SUSD2: variants seen among roughly 807,000 people sequenced by gnomAD.
SUSD2 encodes sushi domain-containing protein 2.
A neutral mutation model predicts 93.8 loss-of-function variants in SUSD2; 86 were observed. The observed-to-expected ratio is 0.92, with a 90% confidence interval of 0.77 to 1.10. SUSD2 has a LOEUF of 1.10. SUSD2 is among the 50% of genes least tolerant of loss of function. The pLI is 0.00. For synonymous variants in SUSD2, 483 were observed against 485.0 expected (o/e 1.00, Z 0.05); for missense variants, 1,060 against 1,137.0 (o/e 0.93, Z 0.97).
At position 24,181,505 on chromosome 22, in the gene SUSD2, G is replaced by A. The variant is rs2047325500; in HGVS notation, c.-15G>A. ...CGGAGCCACTGCACTGCTGGCTGCA[G>A]ACACAGGCTGCACCATGAAGCCAGC... On this transcript the variant is annotated 5_prime_UTR_variant, in exon 1 of 15. Transcript: ENST00000358321. 2.6e-6 allele frequency: 4 copies of A among 1,558,696 alleles called. No individual in the cohort carries two copies. Among genetic ancestry groups the A allele is most frequent in the Non-Finnish European group, 3.5e-6 (4 of 1,155,910 alleles).
rs769639683 is a variant in SUSD2, at chr22:24,187,322, T to G, written c.1763T>G (p.Phe588Cys). ...GTGTCCGTCCTGCTGCCTGAGAAGT[T>G]CCTCACCCACACCCACGGCCTCCTC... ...LSVSVLLPEKFLTHTHGLLGT... is the reference protein window; with the variant it reads ...LSVSVLLPEKCLTHTHGLLGT... The change falls in exon 11 of 15, where the codon TTC becomes TGC. Residue 588 changes from phenylalanine to cysteine, a missense_variant. By Grantham distance (205) the Phe-to-Cys change is radical. Around this residue, in one of 2 missense-constraint regions of SUSD2, gnomAD observed 973 missense variants for 1,005.3 expected, o/e 0.97. Transcript: ENST00000358321. The G allele has an allele frequency of 1.2e-6, 2 of 1,613,670 alleles. No individual in the cohort carries two copies. The highest frequency in any genetic ancestry group is 2.7e-5 in the African/African-American group (2 of 74,782).
chr22:24,186,370 C>T lies in SUSD2; in HGVS notation c.1597C>T (p.Gln533Ter). ...CGGAGGTCTGGAGGTGCTGCTGAAC[C>T]AGGAGGTGCTGAGCTTCACCGAGCA... ...RTGGLEVLLN[Q>*]EVLSFTEQSW... The change falls in exon 10 of 15, where the codon CAG becomes TAG. Residue 533 changes from glutamine to a stop codon, truncating the protein, a stop_gained. Transcript: ENST00000358321. LOFTEE classifies it high-confidence loss of function. 6.2e-7 allele frequency: 1 copy of T among 1,613,796 alleles called. No individual in the cohort carries two copies. The highest frequency in any genetic ancestry group is 1.7e-5 in the Admixed American group (1 of 60,032).
Position 24,188,309 on chromosome 22 carries a change from G to C in SUSD2, c.2426G>C (p.Arg809Pro). ...AAVALVYVLL[R>P]RRKGNTHVWG... Reference sequence around the variant, plus strand: ...GTTGCGCTCGTCTATGTGCTGCTGCGCCGCAGGAAGGGCAACACGTGAGAC... The same window carrying C: ...GTTGCGCTCGTCTATGTGCTGCTGCCCCGCAGGAAGGGCAACACGTGAGAC... Residue 809 changes from arginine to proline, a missense_variant, in exon 14 of 15, where the codon CGC becomes CCC. Transcript: ENST00000358321. The surrounding 1 kb of genome is among the most constrained non-coding windows in gnomAD (Gnocchi z 4.7). 1 of 1,605,810 alleles carries C rather than the reference G, an allele frequency of 6.2e-7. No individual in the cohort carries two copies. The highest frequency in any genetic ancestry group is 8.5e-7 in the Non-Finnish European group (1 of 1,176,696).
intron 10 of SUSD2, 189 bp from the exon 11 acceptor site, chr22:24,187,013 A>T: frequency 1.5e-6 from 1 of 676,936 alleles, no homozygotes; most frequent in Non-Finnish European, 2.5e-6. Context: ...TGCCGCTGGG[A>T]GTTCCACCGC....
Position 24,188,741 on chromosome 22 carries a change from C to T in SUSD2, c.*305C>T. 5.7e-6 allele frequency: 2 copies of T among 348,384 alleles called. No homozygotes were observed. The highest frequency in any genetic ancestry group is 5.2e-5 in the East Asian group (1 of 19,168). 21.6% of individuals were successfully genotyped at this position (348,384 alleles called of 1,614,324 possible). Reference sequence around the variant, plus strand: ...GAGCCCTGACACTCCCACACCTGAGCCTCAGATTCCAATAGCTCACTCCCT... The same window carrying T: ...GAGCCCTGACACTCCCACACCTGAGTCTCAGATTCCAATAGCTCACTCCCT... On this transcript the variant is annotated 3_prime_UTR_variant, in exon 15 of 15. Transcript: ENST00000358321. This position sits in a 1 kb window ranked among gnomAD's most constrained non-coding sequence, Gnocchi z 4.7.
Position 24,187,635 on chromosome 22 carries a change from G to A in SUSD2, c.1956G>A (p.Leu652=), listed in dbSNP as rs780995541. Residue 652 remains leucine (L), a synonymous_variant, in exon 12 of 15, where the codon CTG becomes CTA. Coordinates refer to ENST00000358321, the MANE Select transcript of SUSD2 (RefSeq NM_019601.4). ...YDSWFLVHNF[L]YQPKHDPTFE... ...CCTGGTTCCTGGTCCACAACTTCCT[G>A]TACCAACCCAAGCACGACCCCACCT... is the stretch of plus-strand genomic sequence containing the variant. 2 of 1,613,848 alleles carry A rather than the reference G, an allele frequency of 1.2e-6. No individual in the cohort carries two copies. The highest frequency in any genetic ancestry group is 4.5e-5 in the East Asian group (2 of 44,854).
chr22:24,186,552 T>C, intron 10 of SUSD2, 137 bp downstream of exon 10: 1 of 1,069,880 alleles, frequency 9.3e-7, no homozygotes, highest in African/African-American at 1.6e-5. Context: ...ACCTCAGGCC[T>C]TCACACCCAC....
In SUSD2 at chr22:24,185,179, C is replaced by T. The variant is rs766869617; in HGVS notation, c.868C>T (p.Arg290Ter). Residue 290 changes from arginine to a stop codon, truncating the protein, a stop_gained, in exon 6 of 15, where the codon CGA becomes TGA. Coordinates refer to ENST00000358321, the MANE Select transcript of SUSD2 (RefSeq NM_019601.4). LOFTEE classifies it high-confidence loss of function. ...DFREDPVAWARTQCQAWEELE... is the reference protein window; with the variant it reads ...DFREDPVAWA Reference sequence around the variant, plus strand: ...CCGAGAGGACCCTGTGGCCTGGGCACGAACTCAGTGCCAGGCCTGGGAGGA... The same window carrying T: ...CCGAGAGGACCCTGTGGCCTGGGCATGAACTCAGTGCCAGGCCTGGGAGGA... The T allele has an allele frequency of 1.1e-5, 18 of 1,612,266 alleles. No individual in the cohort carries two copies. In the East Asian group the frequency reaches 2.5e-4, roughly 22 times the overall value.
rs374345132 is a variant in SUSD2 at position 24,183,078 on chromosome 22, T to C, written c.98T>C (p.Met33Thr). The change falls in exon 2 of 15, where the codon ATG becomes ACG. Residue 33 changes from methionine (M) to threonine (T), a missense_variant. Physicochemically the swap from Met to Thr is moderately conservative, Grantham distance 81 (BLOSUM62 -1). This residue lies in a region of SUSD2 where 87 missense variants were observed against 131.6 expected (regional missense o/e 0.66). Transcript: ENST00000358321. ...PTADAQESCS[M>T]RCGALDGPCS... ...CCAGATGCCCAAGAGAGCTGCTCCA[T>C]GCGCTGTGGCGCCCTGGACGGGCCA... The C allele has an allele frequency of 3.2e-5, 51 of 1,613,746 alleles. No individual in the cohort carries two copies. Among genetic ancestry groups the C allele is most frequent in the Non-Finnish European group, 4.2e-5 (49 of 1,179,870 alleles).
Position 24,184,780 on chromosome 22 carries a change from C to G in SUSD2, c.622C>G (p.Gln208Glu). 1 of 1,601,164 alleles carries G rather than the reference C, an allele frequency of 6.2e-7. No homozygotes were observed. The highest frequency in any genetic ancestry group is 1.1e-5 in the South Asian group (1 of 89,442). ...CTCTCCCTCAGGAATGCCCTACTCA[C>G]AGGAGTGGACTGCAAAGTGGTCGTA... ...GYEETGMPYS[Q>E]EWTAKWSYLY... The change falls in exon 5 of 15, where the codon CAG (glutamine) becomes GAG (glutamate). Residue 208 changes from glutamine to glutamate, a missense_variant. Around this residue, in one of 2 missense-constraint regions of SUSD2, gnomAD observed 973 missense variants for 1,005.3 expected, o/e 0.97. Transcript: ENST00000358321.
At position 24,187,334 on chromosome 22, in the gene SUSD2, C is replaced by T. The variant is rs554892840; in HGVS notation, c.1775C>T (p.Thr592Ile). The T allele has an allele frequency of 5.6e-6, 9 of 1,614,128 alleles. No individual in the cohort carries two copies. The South Asian group carries it at 7.7e-5, about 14-fold the overall frequency. The change falls in exon 11 of 15, where the codon ACC becomes ATC. Residue 592 changes from threonine (T) to isoleucine (I), a missense_variant. Around this residue, in one of 2 missense-constraint regions of SUSD2, gnomAD observed 973 missense variants for 1,005.3 expected, o/e 0.97. Coordinates refer to ENST00000358321, the MANE Select transcript of SUSD2 (RefSeq NM_019601.4). ...CTGCCTGAGAAGTTCCTCACCCACA[C>T]CCACGGCCTCCTCGGGACACTCAAC... ...VLLPEKFLTH[T>I]HGLLGTLNND...
rs763071579 is a variant in SUSD2 at position 24,185,094 on chromosome 22, G to A, written c.783G>A (p.Lys261=). The change falls in exon 6 of 15, where the codon AAG becomes AAA. Residue 261 remains lysine, a splice_region_variant and synonymous_variant. Transcript: ENST00000358321. ...AGCTCCAGCATCATCACCTCCACAG[G>A]GACGTGCAGGCGCTCTGGACCAACG... is the stretch of plus-strand genomic sequence containing the variant. ...IIDSKNYAGQ[K]DVQALWTNDH... is the part of the protein sequence containing the mutation. 6.2e-7 allele frequency: 1 copy of A among 1,612,940 alleles called. No homozygotes were observed. Among genetic ancestry groups the A allele is most frequent in the Non-Finnish European group, 8.5e-7 (1 of 1,179,790 alleles).
In SUSD2 at chr22:24,184,304, G is replaced by A; in HGVS notation, c.607+1G>A. The A allele has an allele frequency of 6.2e-7, 1 of 1,612,928 alleles. No individual in the cohort carries two copies. The highest frequency in any genetic ancestry group is 8.5e-7 in the Non-Finnish European group (1 of 1,179,802). The stretch of plus-strand genomic sequence containing the variant: ...GAACTGTGGGGCTACGAGGAGACAG[G>A]TGAGGCCAGCTGAGGGCTGGGGTGG... On this transcript the variant is annotated splice_donor_variant, in intron 4 of 14. Transcript: ENST00000358321. LOFTEE classifies it high-confidence loss of function.
In SUSD2 at chr22:24,183,527, T is replaced by G. The variant is rs756543253; in HGVS notation, c.320T>G (p.Val107Gly). ...GACAGCATCCAGACCCTCGGCCATG[T>G]GGACTCCTCCGGGCAAGTGCACTGT... is the stretch of plus-strand genomic sequence containing the variant. ...FKDSIQTLGH[V>G]DSSGQVHCVS... Residue 107 changes from valine to glycine, a missense_variant, in exon 3 of 15, where the codon GTG (valine) becomes GGG (glycine). Around this residue, in one of 2 missense-constraint regions of SUSD2, gnomAD observed 973 missense variants for 1,005.3 expected, o/e 0.97. Coordinates refer to ENST00000358321, the MANE Select transcript of SUSD2 (RefSeq NM_019601.4). 34 of 1,613,082 alleles carry G rather than the reference T, an allele frequency of 2.1e-5. No homozygotes were observed. Among genetic ancestry groups the G allele is most frequent in the Non-Finnish European group, 2.8e-5 (33 of 1,179,984 alleles).
chr22:24,182,259 C>T (rs2047329977), intron 1 of SUSD2, among the ~76,000 whole-genome samples: 1 of 152,228 alleles, frequency 6.6e-6, no homozygotes, highest in African/African-American at 2.4e-5. Flanking sequence ...TGCCCCAGTC[C>T]CTCCCTGCAA....
At position 24,185,547 on chromosome 22, in the gene SUSD2, A is replaced by G; in HGVS notation, c.1046A>G (p.His349Arg). ...TGCACCTACCACCCCGGGGCCGTGC[A>G]CTGTGTGCGTTCTGTGCAGGCCAGG... is the stretch of plus-strand genomic sequence containing the variant. ...SVCTYHPGAV[H>R]CVRSVQASLR... The change falls in exon 7 of 15, where the codon CAC becomes CGC. Residue 349 changes from histidine (H) to arginine (R), a missense_variant. His to Arg is a conservative substitution (Grantham distance 29). Coordinates refer to ENST00000358321, the MANE Select transcript of SUSD2 (RefSeq NM_019601.4). 1.3e-6 allele frequency: 2 copies of G among 1,588,502 alleles called. No individual in the cohort carries two copies. Among genetic ancestry groups the G allele is most frequent in the Non-Finnish European group, 1.7e-6 (2 of 1,167,610 alleles).
In SUSD2 at chr22:24,186,302, A is replaced by T. The variant is rs756297700; in HGVS notation, c.1529A>T (p.Glu510Val). 1 of 1,613,900 alleles carries T rather than the reference A, an allele frequency of 6.2e-7. No homozygotes were observed. Among genetic ancestry groups the T allele is most frequent in the Non-Finnish European group, 8.5e-7 (1 of 1,180,030 alleles). ...GGGCTGACCGCAGTGGCCGTCCAGG[A>T]GGGCAACTCAGATGTGGTGGAAGTC... ...GTGLTAVAVQ[E>V]GNSDVVEVRL... is the part of the protein sequence containing the mutation. The change falls in exon 10 of 15, where the codon GAG becomes GTG. Residue 510 changes from glutamate (E) to valine (V), a missense_variant. This residue lies in a region of SUSD2 where 973 missense variants were observed against 1,005.3 expected (regional missense o/e 0.97). Coordinates refer to ENST00000358321, the MANE Select transcript of SUSD2 (RefSeq NM_019601.4).
In SUSD2 at chr22:24,181,530, C is replaced by A. The variant is rs775058351; in HGVS notation, c.11C>A (p.Ala4Asp). Residue 4 changes from alanine (A) to aspartate (D), a missense_variant, in exon 1 of 15, where the codon GCC becomes GAC. Physicochemically the swap from Ala to Asp is moderately radical, Grantham distance 126 (BLOSUM62 -2). Transcript: ENST00000358321. MKPALLPWALLLLA... is the reference protein window; with the variant it reads MKPDLLPWALLLLA... The stretch of plus-strand genomic sequence containing the variant: ...GACACAGGCTGCACCATGAAGCCAG[C>A]CCTCCTGCCCTGGGCCCTGCTGCTG... The A allele has an allele frequency of 1.9e-6, 3 of 1,587,072 alleles. No individual in the cohort carries two copies. Among genetic ancestry groups the A allele is most frequent in the Admixed American group, 3.4e-5 (2 of 58,068 alleles).
chr22:24,188,719 C>G lies in SUSD2; in HGVS notation c.*283C>G. ...GGGATTCTAATACCTATGTCCTGAGCCCTGACACTCCCACACCTGAGCCTC... is the reference window on the plus strand; with the variant it reads ...GGGATTCTAATACCTATGTCCTGAGGCCTGACACTCCCACACCTGAGCCTC... On this transcript the variant is annotated 3_prime_UTR_variant, in exon 15 of 15. Coordinates refer to ENST00000358321, the MANE Select transcript of SUSD2 (RefSeq NM_019601.4). This position sits in a 1 kb window ranked among gnomAD's most constrained non-coding sequence, Gnocchi z 4.7. The G allele has an allele frequency of 2.4e-6, 1 of 410,352 alleles. No individual in the cohort carries two copies. Among genetic ancestry groups the G allele is most frequent in the Non-Finnish European group, 4.5e-6 (1 of 224,450 alleles). 25.4% of individuals were successfully genotyped at this position (410,352 alleles called of 1,614,324 possible).
Sources: allele counts gnomAD v4.1 joint callset (sites outside exome capture counted in the v4.1 genomes callset), GRCh38; gene constraint gnomAD v4.1.1; regional missense constraint gnomAD v4.1.1; non-coding constraint Gnocchi (gnomAD v3.1); transcripts MANE v1.5; gene names NCBI Gene and HGNC (gene_info 2026-07-23, HGNC 2026-07-21).